The following CREBBP variants were observed in gnomAD, a reference collection of about 807,000 sequenced individuals.
The protein encoded by CREBBP is CREB-binding protein.
CREBBP carries 19 observed loss-of-function variants against 265.0 expected under a neutral mutation model. That is an observed-to-expected ratio of 0.07 (90% CI 0.05 to 0.11). The LOEUF (loss-of-function observed/expected upper bound fraction) is 0.11. CREBBP is among the 10% of genes least tolerant of loss of function. The probability of loss-of-function intolerance (pLI) is 1.00; values close to 1 mark genes in which losing one functional copy is unlikely to be tolerated. For missense variants in CREBBP, 2,525 were observed against 3,219.0 expected (o/e 0.78, Z 5.22); for synonymous variants, 1,457 against 1,223.7 (o/e 1.19, Z -3.98).
At chr16:3,750,876 C>T (rs2052456850) in intron 20 of CREBBP, among the ~76,000 whole-genome samples, 1 of 152,144 alleles carries the variant, frequency 6.6e-6, no homozygotes. Flanking sequence ...AGGGCATGTA[C>T]ACCAAACTCA....
At chr16:3,782,171 A>T (rs2053287293) in intron 6 of CREBBP, among the ~76,000 whole-genome samples, 1 of 152,218 alleles carries the variant, frequency 6.6e-6, no homozygotes, top group South Asian at 2.1e-4. Flanking sequence ...AAAGGCTGGC[A>T]AATAATGGGC....
chr16:3,754,129 G>C (rs1158559498), intron 19 of CREBBP, among the ~76,000 whole-genome samples: 2 of 143,838 alleles, frequency 1.4e-5, no homozygotes, highest in Non-Finnish European at 2.9e-5. Flanking sequence ...GGGAGGCAAA[G>C]CATTATCAAC....
At chr16:3,822,690 A>G (rs115911894) in intron 2 of CREBBP, among the ~76,000 whole-genome samples, 2 of 152,358 alleles carry the variant, frequency 1.3e-5, no homozygotes, top group African/African-American at 4.8e-5. Context: ...CTAAAAGTGT[A>G]AAGCACACTC....
intron 3 of CREBBP, among the ~76,000 whole-genome samples, chr16:3,802,101 C>G (rs999634850): frequency 7.9e-4 from 93 of 117,618 alleles, no homozygotes; most frequent in African/African-American, 3.0e-3. Flanking sequence ...TATATTTACT[C>G]TGGTATTCCT....
chr16:3,849,429 GTGTGTGTGTGTGTGTGTGTGTGTGTGT>G (rs2054751617), intron 2 of CREBBP, among the ~76,000 whole-genome samples: 17 of 12,830 alleles, frequency 1.3e-3, no homozygotes, highest in South Asian at 6.9e-3. Context: ...GTGTGTGTGT[GTGTGTGTGTGTGTGTGTGTGTGTGTGT>G]GTGTGTGTGT....
At chr16:3,815,388 AAATTAGCTAGGCAT>A (rs2054017579) in intron 2 of CREBBP, among the ~76,000 whole-genome samples, 1 of 151,860 alleles carries the variant, frequency 6.6e-6, no homozygotes, top group African/African-American at 2.4e-5. Context: ...AAAAATACAA[AAATTAGCTAGGCAT>A]GGTGGTGCGT....
chr16:3,794,921 G>A (rs761692403), intron 3 of CREBBP, among the ~76,000 whole-genome samples: 33 of 152,192 alleles, frequency 2.2e-4, no homozygotes, highest in Admixed American at 1.8e-3. Context: ...CCTAAAGTAC[G>A]CCACTCGGAT....
Position 3,726,462 on chromosome 16 carries a change from C to T in CREBBP, c.*1256G>A, listed in dbSNP as rs972315788. The T allele has an allele frequency of 6.9e-5, 16 of 233,246 alleles. No individual in the cohort carries two copies. Among genetic ancestry groups the T allele is most frequent in the Non-Finnish European group, 1.1e-4 (13 of 118,084 alleles). 14.4% of individuals were successfully genotyped at this position (233,246 alleles called of 1,614,324 possible). On this transcript the variant is annotated 3_prime_UTR_variant, in exon 31 of 31. Transcript: ENST00000262367. Reference sequence around the variant, plus strand: ...GTCTCCGGGAAGAAAAGCCTCCGGGCGGCCGCTAAGCCTGGGCCACAGTTC... The same window carrying T: ...GTCTCCGGGAAGAAAAGCCTCCGGGTGGCCGCTAAGCCTGGGCCACAGTTC...
At chr16:3,753,516 G>A (rs2052520810) in intron 19 of CREBBP, among the ~76,000 whole-genome samples, 1 of 152,108 alleles carries the variant, frequency 6.6e-6, no homozygotes, top group Non-Finnish European at 1.5e-5. Context: ...TTAACACTCT[G>A]ACAGGCAAGA....
intron 3 of CREBBP, among the ~76,000 whole-genome samples, chr16:3,800,658 C>T (rs926763404): frequency 2.6e-5 from 4 of 152,040 alleles, no homozygotes; most frequent in Non-Finnish European, 4.4e-5. Context: ...TAGTCTCCCA[C>T]GACTGTGCTT....
chr16:3,808,176 A>G (rs892172303), intron 3 of CREBBP, among the ~76,000 whole-genome samples: 1 of 150,990 alleles, frequency 6.6e-6, no homozygotes, highest in African/African-American at 2.4e-5. Context: ...AGCGGGGGAG[A>G]GAGAGAGGCA....
At position 3,770,813 on chromosome 16, in the gene CREBBP, A is replaced by G. The variant is rs757896334; in HGVS notation, c.2637T>C (p.Pro879=). 49 of 1,613,682 alleles carry G rather than the reference A, an allele frequency of 3.0e-5. No individual in the cohort carries two copies. The highest frequency in any genetic ancestry group is 4.0e-5 in the Non-Finnish European group (47 of 1,179,978). ...LQHTTPPGMT[P]PQPAAPTQPS... is the part of the protein sequence containing the mutation. ...GCTGAGTGGGAGCTGCTGGCTGGGG[A>G]GGAGTCATCCCAGGTGGTGTCGTGT... Residue 879 remains proline, a synonymous_variant, in exon 14 of 31, where the codon CCT becomes CCC. Transcript: ENST00000262367.
chr16:3,843,422 G>T (rs991761520), intron 2 of CREBBP, among the ~76,000 whole-genome samples: 2 of 74,474 alleles, frequency 2.7e-5, no homozygotes, highest in Non-Finnish European at 2.5e-5. Flanking sequence ...AGTTGTCAAA[G>T]ATTTTTTTTT....
intron 16 of CREBBP, among the ~76,000 whole-genome samples, chr16:3,763,771 A>G (rs984505793): frequency 1.3e-5 from 2 of 151,896 alleles, no homozygotes; most frequent in African/African-American, 4.8e-5. Flanking sequence ...GCCTGAAACA[A>G]TTTTTATAAC....
At chr16:3,746,913 C>G (rs1437440491) in intron 21 of CREBBP, among the ~76,000 whole-genome samples, 1 of 152,100 alleles carries the variant, frequency 6.6e-6, no homozygotes, top group Non-Finnish European at 1.5e-5. Context: ...CCACTGCACT[C>G]CAGCCTGGGT....
At chr16:3,814,899 G>C (rs1054083652) in intron 2 of CREBBP, among the ~76,000 whole-genome samples, 1 of 152,202 alleles carries the variant, frequency 6.6e-6, no homozygotes. Flanking sequence ...CTCCTTATCA[G>C]AGAAAGTTAA....
chr16:3,769,393 T>C (rs1166180441), intron 14 of CREBBP, 40 bp from the exon 15 acceptor site: 3 of 1,611,924 alleles, frequency 1.9e-6, no homozygotes, highest in Non-Finnish European at 1.7e-6. Flanking sequence ...GTAAGCAAGG[T>C]AACATAAATG....
chr16:3,838,576 GA>G (rs1423106461), intron 2 of CREBBP, among the ~76,000 whole-genome samples: 1 of 152,060 alleles, frequency 6.6e-6, no homozygotes, highest in East Asian at 1.9e-4. Flanking sequence ...CTTTAAAAAA[GA>G]TACATAATTA....
At chr16:3,878,928 GAAAGTTT>G (rs2055458608) in intron 1 of CREBBP, among the ~76,000 whole-genome samples, 2 of 152,114 alleles carry the variant, frequency 1.3e-5, no homozygotes, top group Non-Finnish European at 2.9e-5. Flanking sequence ...GATAACTTAA[GAAAGTTT>G]CCAGGGAAGC....
Sources: gnomAD v4.1 joint callset for allele counts (sites outside exome capture counted in the v4.1 genomes callset) on GRCh38, gnomAD v4.1.1 for gene constraint, MANE v1.5 for transcripts, NCBI Gene and HGNC (gene_info 2026-07-23, HGNC 2026-07-21) for gene names.